The following RAB5A variants were observed in gnomAD, a reference collection of about 807,000 sequenced individuals.
RAB5A encodes the protein RAB5A, member RAS oncogene family.
A neutral mutation model predicts 25.7 loss-of-function variants in RAB5A; 8 were observed. The ratio of observed to expected loss-of-function variants is 0.31; its 90% CI spans 0.18 to 0.56. The LOEUF (loss-of-function observed/expected upper bound fraction) is 0.56. RAB5A is among the 20% of genes least tolerant of loss of function. The probability of loss-of-function intolerance (pLI) is 0.91; values close to 1 mark genes in which losing one functional copy is unlikely to be tolerated. For missense variants in RAB5A, 192 were observed against 259.7 expected, an observed-to-expected ratio of 0.74 and a Z score of 1.79; for synonymous variants, 98 against 89.8, an observed-to-expected ratio of 1.09 and a Z score of -0.52.
At chr3:19,971,501 C>T (rs1301186894) in intron 2 of RAB5A, among the ~76,000 whole-genome samples, 3 of 151,830 alleles carry the variant, frequency 2.0e-5, no homozygotes, top group African/African-American at 4.8e-5. Flanking sequence ...GACAGAGTTA[C>T]ACTCTTGTTG....
chr3:19,973,956 T>C (rs1216529593), intron 2 of RAB5A, among the ~76,000 whole-genome samples: 2 of 152,176 alleles, frequency 1.3e-5, no homozygotes, highest in Non-Finnish European at 2.9e-5. Flanking sequence ...ATAATTCTTT[T>C]GCATAATATG....
chr3:19,961,327 C>T (rs1696581383), intron 2 of RAB5A, among the ~76,000 whole-genome samples: 2 of 152,118 alleles, frequency 1.3e-5, no homozygotes, highest in Admixed American at 1.3e-4. Flanking sequence ...TTAAAGACAT[C>T]TTTCTGAAAT....
intron 2 of RAB5A, among the ~76,000 whole-genome samples, chr3:19,958,797 T>C (rs1208540603): frequency 2.0e-5 from 3 of 152,104 alleles, no homozygotes; most frequent in Non-Finnish European, 4.4e-5. Flanking sequence ...ATCACACCAC[T>C]GCACTTCAAC....
intron 4 of RAB5A, among the ~76,000 whole-genome samples, chr3:19,976,736 G>A (rs1696830363): frequency 6.6e-6 from 1 of 152,158 alleles, no homozygotes; most frequent in Non-Finnish European, 1.5e-5. Context: ...AGTGCAGAAA[G>A]TGATTGTATC....
intron 2 of RAB5A, among the ~76,000 whole-genome samples, chr3:19,952,023 A>G (rs548419360): frequency 2.6e-5 from 4 of 152,276 alleles, no homozygotes; most frequent in East Asian, 1.9e-4. Context: ...AACAAACAGT[A>G]CAGTATTGTC....
At chr3:19,982,986 T>G (rs897069652) in intron 5 of RAB5A, among the ~76,000 whole-genome samples, 1 of 152,148 alleles carries the variant, frequency 6.6e-6, no homozygotes, top group Non-Finnish European at 1.5e-5. Flanking sequence ...GAGCTGAGCT[T>G]CTTTATAAAC....
chr3:19,978,010 G>C (rs1473663735), intron 4 of RAB5A, among the ~76,000 whole-genome samples: 1 of 152,138 alleles, frequency 6.6e-6, no homozygotes, highest in Non-Finnish European at 1.5e-5. Context: ...TTTAGAATAA[G>C]ATAATTCTCC....
At chr3:19,962,797 G>T (rs59086970) in intron 2 of RAB5A, among the ~76,000 whole-genome samples, 77,935 of 151,182 alleles carry the variant, frequency 0.52, 21,229 homozygotes, top group Non-Finnish European at 0.62. Flanking sequence ...TTAGAGCCCA[G>T]TGTGTTTGGT....
chr3:19,974,212 T>C lies in RAB5A; in HGVS notation c.164-1389T>C, dbSNP rs1575075464. On this transcript the variant is annotated intron_variant, in intron 2 of 5. Transcript: ENST00000273047. ...TCTCTGTTGCCAGGATGGAGTGCAG[T>C]GGTGCGATCTCAGCTCACTGCAACC... Among the ~76,000 whole-genome samples the C allele has an allele frequency of 2.0e-5, 3 of 151,446 alleles. No individual in the cohort carries two copies. In the South Asian group the frequency reaches 6.3e-4, roughly 32 times the overall value.
intron 2 of RAB5A, among the ~76,000 whole-genome samples, chr3:19,963,490 A>T (rs1258672252): frequency 6.7e-6 from 1 of 150,264 alleles, no homozygotes; most frequent in Non-Finnish European, 1.5e-5. Context: ...ATCCTTTTTC[A>T]TCCCTTAGAG....
chr3:19,970,463 G>A (rs1205122517), intron 2 of RAB5A: 3 of 428,558 alleles, frequency 7.0e-6, no homozygotes, highest in African/African-American at 2.1e-5. Context: ...AGCTGATCAC[G>A]TAGCTCAGAG....
chr3:19,956,246 G>A (rs1405318951), intron 2 of RAB5A, among the ~76,000 whole-genome samples: 1 of 152,156 alleles, frequency 6.6e-6, no homozygotes, highest in Non-Finnish European at 1.5e-5. Context: ...CAGCACACTG[G>A]CAGATCACGA....
intron 2 of RAB5A, among the ~76,000 whole-genome samples, chr3:19,957,988 A>G (rs1204240030): frequency 6.6e-6 from 1 of 152,230 alleles, no homozygotes; most frequent in African/African-American, 2.4e-5. Flanking sequence ...GCTTTCTACA[A>G]TTGCCCTTCA....
chr3:19,982,984 C>G (rs1696960500), intron 5 of RAB5A, among the ~76,000 whole-genome samples: 1 of 152,062 alleles, frequency 6.6e-6, no homozygotes, highest in Admixed American at 6.5e-5. Flanking sequence ...ATGAGCTGAG[C>G]TTCTTTATAA....
rs1697006597 is a variant in RAB5A at position 19,985,049 on chromosome 3, CTATT to C, written c.*1229_*1232del. The stretch of plus-strand genomic sequence containing the variant: ...TACCATGTGTCAGAGATGATTTAAT[CTATT>C]TAAGTGTTGGACTGCTAGGAGAACT... On this transcript the variant is annotated 3_prime_UTR_variant, in exon 6 of 6. Coordinates refer to ENST00000273047, the MANE Select transcript of RAB5A (RefSeq NM_004162.5). 4.5e-6 allele frequency: 1 copy of C among 220,556 alleles called. No individual in the cohort carries two copies. Among genetic ancestry groups the C allele is most frequent in the East Asian group, 1.2e-4 (1 of 8,520 alleles). 13.7% of individuals were successfully genotyped at this position (220,556 alleles called of 1,614,324 possible).
intron 5 of RAB5A, among the ~76,000 whole-genome samples, chr3:19,981,478 G>A (rs1399641674): frequency 6.6e-6 from 1 of 152,068 alleles, no homozygotes; most frequent in African/African-American, 2.4e-5. Context: ...GCTGGGTGTG[G>A]TGGTATGTGC....
intron 3 of RAB5A, 25 bp downstream of exon 3, chr3:19,975,777 A>G: frequency 1.3e-6 from 2 of 1,577,234 alleles, no homozygotes; most frequent in Non-Finnish European, 8.6e-7. Flanking sequence ...ATTCCACAGT[A>G]AAACTAATTT....
intron 5 of RAB5A, among the ~76,000 whole-genome samples, chr3:19,981,254 C>G (rs972398246): frequency 6.6e-6 from 1 of 152,168 alleles, no homozygotes; most frequent in African/African-American, 2.4e-5. Flanking sequence ...AAGTGATATG[C>G]ATTTAGTACA....
chr3:19,953,542 G>A (rs1249363829), intron 2 of RAB5A, among the ~76,000 whole-genome samples: 1 of 151,786 alleles, frequency 6.6e-6, no homozygotes, highest in Non-Finnish European at 1.5e-5. Context: ...CAAGTAGCTG[G>A]GACTACAGGC....
Sources: gnomAD v4.1 joint callset for allele counts (sites outside exome capture counted in the v4.1 genomes callset) on GRCh38, gnomAD v4.1.1 for gene constraint, MANE v1.5 for transcripts, NCBI Gene and HGNC (gene_info 2026-07-23, HGNC 2026-07-21) for gene names.